CD200: variants seen among roughly 807,000 people sequenced by gnomAD.
CD200 encodes the protein CD200 molecule, also known as OX-2 membrane glycoprotein.
CD200 carries 15 observed loss-of-function variants against 30.9 expected under a neutral mutation model. That is an observed-to-expected ratio of 0.49 (90% confidence interval 0.32 to 0.75). The LOEUF (loss-of-function observed/expected upper bound fraction) is 0.75, where lower values mean the gene tolerates loss of function less well. Among genes scored for constraint, CD200 ranks in the 30% least tolerant of loss-of-function variants. CD200 has a pLI of 0.03. For missense variants in CD200, 262 were observed against 324.2 expected, an observed-to-expected ratio of 0.81 and a Z score of 1.47; for synonymous variants, 134 against 126.2, an observed-to-expected ratio of 1.06 and a Z score of -0.41.
Position 112,345,280 on chromosome 3 carries a change from C to T in CD200, c.413C>T (p.Thr138Ile), listed in dbSNP as rs1022125191. The stretch of plus-strand genomic sequence containing the variant: ...AAGATCTCAGGAACGGCCTGCCTCA[C>T]CGTCTATGGTGAGAATCTCTGAGAA... ...FGKISGTACL[T>I]VYVQPIVSLH... Residue 138 changes from threonine (T) to isoleucine (I), a missense_variant, in exon 3 of 6, where the codon ACC becomes ATC. Coordinates refer to ENST00000315711, the MANE Select transcript of CD200 (RefSeq NM_005944.7). 1.2e-5 allele frequency: 19 copies of T among 1,611,264 alleles called. No homozygotes were observed. In the African/African-American group the frequency reaches 2.3e-4, roughly 19 times the overall value.
chr3:112,352,568 T>A (rs9853344), intron 5 of CD200, among the ~76,000 whole-genome samples: 1 of 137,932 alleles, frequency 7.2e-6, no homozygotes, highest in African/African-American at 2.8e-5. Flanking sequence ...AGAGAGAGAG[T>A]GTTTAGAGTT....
intron 1 of CD200, among the ~76,000 whole-genome samples, chr3:112,335,312 G>A (rs1202894727): frequency 6.6e-6 from 1 of 152,108 alleles, no homozygotes; most frequent in Non-Finnish European, 1.5e-5. Context: ...AACCATCTTG[G>A]GTTTCTCAAA....
At position 112,341,076 on chromosome 3, in the gene CD200, C is replaced by T. The variant is rs954831141; in HGVS notation, c.94+93C>T. The T allele has an allele frequency of 4.1e-6, 3 of 739,992 alleles. No homozygotes were observed. The African/African-American group carries it at 5.3e-5, about 13-fold the overall frequency. 45.8% of individuals were successfully genotyped at this position (739,992 alleles called of 1,614,324 possible). On this transcript the variant is annotated intron_variant, in intron 2 of 5. Coordinates refer to ENST00000315711, the MANE Select transcript of CD200 (RefSeq NM_005944.7). ...AGTATTGTTTGTGCTGTGCTGGTTC[C>T]ATTTGTCTGCATGAATTATTTAAGC...
chr3:112,356,253 G>A (rs2081621547), intron 5 of CD200, among the ~76,000 whole-genome samples: 1 of 152,114 alleles, frequency 6.6e-6, no homozygotes, highest in Non-Finnish European at 1.5e-5. Context: ...CTTGTGTTTT[G>A]AAAGTCCTTT....
At position 112,349,889 on chromosome 3, in the gene CD200, AT is replaced by A. The variant is rs2081498399; in HGVS notation, c.802+73del. On this transcript the variant is annotated intron_variant, in intron 5 of 5. Transcript: ENST00000315711. The stretch of plus-strand genomic sequence containing the variant: ...GATTTTTAATGACAATTTGTGAGTC[AT>A]TTGAAGATATAAATAAGGGAATGGC... The A allele has an allele frequency of 2.0e-5, 30 of 1,479,684 alleles. No homozygotes were observed. In the East Asian group the frequency reaches 7.4e-4, roughly 36 times the overall value. 91.7% of individuals were successfully genotyped at this position (1,479,684 alleles called of 1,614,324 possible). A position where few individuals can be genotyped will look rare whatever the true frequency, so the allele number is the denominator to read the frequency against.
chr3:112,361,313 TG>T (rs2081737288), intron 5 of CD200, among the ~76,000 whole-genome samples: 1 of 152,180 alleles, frequency 6.6e-6, no homozygotes, highest in Non-Finnish European at 1.5e-5. Flanking sequence ...CCTAAAACAC[TG>T]GGCTTACAGC....
At chr3:112,333,692 C>A (rs1214330508) in intron 1 of CD200, 1 of 985,334 alleles carries the variant, frequency 1.0e-6, no homozygotes, top group Non-Finnish European at 1.2e-6. Context: ...TTTCCAGGCT[C>A]GCTTTCTCCG....
At chr3:112,353,503 T>A (rs1029002838) in intron 5 of CD200, among the ~76,000 whole-genome samples, 1 of 152,198 alleles carries the variant, frequency 6.6e-6, no homozygotes, top group African/African-American at 2.4e-5. Flanking sequence ...ACCTAACCTA[T>A]GAATGGGTTC....
intron 1 of CD200, 59 bp downstream of exon 1, chr3:112,333,283 C>A: frequency 6.6e-7 from 1 of 1,524,106 alleles, no homozygotes; most frequent in Non-Finnish European, 8.8e-7. Context: ...GAGCCGGTGG[C>A]CCTGGGGCGG....
intron 3 of CD200, 109 bp downstream of exon 3, chr3:112,345,397 C>A: frequency 1.2e-6 from 1 of 833,206 alleles, no homozygotes; most frequent in South Asian, 1.7e-5. Flanking sequence ...CAGAAAGGGT[C>A]ATGAGAAGAT....
At chr3:112,342,317 CTTTCTTTCTTTCT>C (rs774035715) in intron 2 of CD200, among the ~76,000 whole-genome samples, 1,640 of 41,706 alleles carry the variant, frequency 0.039, 142 homozygotes, top group Middle Eastern at 0.068. Flanking sequence ...TTTCTTCTTT[CTTTCTTTCTTTCT>C]TTCTTTCCTT....
At chr3:112,356,201 C>A (rs2081620730) in intron 5 of CD200, among the ~76,000 whole-genome samples, 3 of 152,178 alleles carry the variant, frequency 2.0e-5, no homozygotes. Flanking sequence ...TATAAATACT[C>A]CAACCTTCTC....
chr3:112,339,048 A>G (rs1345327196), intron 1 of CD200, among the ~76,000 whole-genome samples: 1 of 152,236 alleles, frequency 6.6e-6, no homozygotes, highest in East Asian at 1.9e-4. Flanking sequence ...GAAATGCTTT[A>G]TCTCAAGTGC....
intron 1 of CD200, chr3:112,333,677 A>T: frequency 2.0e-6 from 2 of 985,430 alleles, no homozygotes; most frequent in Non-Finnish European, 2.4e-6. Context: ...CGGCGGAGAT[A>T]CAGATTTCCA....
Position 112,340,911 on chromosome 3 carries a change from A to T in CD200, c.22A>T (p.Met8Leu). MERLVIR[M>L]PFSHLSTYSL... ...TGCTTTCTGTCTTCAGGTGATCAGG[A>T]TGCCCTTCTCTCATCTGTCTACCTA... is the stretch of plus-strand genomic sequence containing the variant. The change falls in exon 2 of 6, where the codon ATG becomes TTG. Residue 8 changes from methionine to leucine, a missense_variant. Transcript: ENST00000315711. The T allele has an allele frequency of 6.2e-7, 1 of 1,602,108 alleles. No individual in the cohort carries two copies. The highest frequency in any genetic ancestry group is 1.1e-5 in the South Asian group (1 of 90,678).
chr3:112,333,336 TG>T (rs2081039874), intron 1 of CD200, 112 bp downstream of exon 1: 4 of 1,466,680 alleles, frequency 2.7e-6, no homozygotes, highest in East Asian at 2.6e-5. Flanking sequence ...TGCCACAATC[TG>T]GTCCGGGGAC....
chr3:112,333,350 G>C lies in CD200; in HGVS notation c.12+126G>C. The C allele has an allele frequency of 4.2e-6, 6 of 1,438,772 alleles. No individual in the cohort carries two copies. In the South Asian group the frequency reaches 5.8e-5, roughly 14 times the overall value. 89.1% of individuals were successfully genotyped at this position (1,438,772 alleles called of 1,614,324 possible). A position where few individuals can be genotyped will look rare whatever the true frequency, so the allele number is the denominator to read the frequency against. On this transcript the variant is annotated intron_variant, in intron 1 of 5. Transcript: ENST00000315711. ...TTGCCACAATCTGGTCCGGGGACTA[G>C]ATCAGCGGTGTTGATGGCAGCGCTT...
intron 5 of CD200, among the ~76,000 whole-genome samples, chr3:112,354,433 C>G (rs1360300128): frequency 2.0e-5 from 3 of 152,182 alleles, no homozygotes; most frequent in African/African-American, 4.8e-5. Context: ...TATCCTTTAC[C>G]TAGTGTCTAT....
chr3:112,357,153 C>T (rs886299831), intron 5 of CD200, among the ~76,000 whole-genome samples: 3 of 149,778 alleles, frequency 2.0e-5, no homozygotes, highest in Non-Finnish European at 3.0e-5. Context: ...CCCAGCTACT[C>T]GGGAGGCTGA....
Sources: allele counts gnomAD v4.1 joint callset (sites outside exome capture counted in the v4.1 genomes callset), GRCh38; gene constraint gnomAD v4.1.1; transcripts MANE v1.5; gene names NCBI Gene and HGNC (gene_info 2026-07-23, HGNC 2026-07-21).